The following MTMR4 variants were observed in gnomAD, a reference collection of about 807,000 sequenced individuals.
MTMR4 encodes the protein phosphatidylinositol-3,5-bisphosphate 3-phosphatase MTMR4.
Under a neutral mutation model 125.5 loss-of-function variants are expected in MTMR4, and 30 were observed. The observed-to-expected ratio is 0.24, with a 90% CI of 0.18 to 0.32. The LOEUF is 0.32. MTMR4 is among the 10% of genes least tolerant of loss of function. MTMR4 has a pLI of 1.00. For missense variants in MTMR4, 1,039 were observed against 1,511.5 expected (o/e 0.69, Z 5.18); for synonymous variants, 498 against 564.5 (o/e 0.88, Z 1.67).
chr17:58,492,271 G>T (rs1975333518), intron 17 of MTMR4, among the ~76,000 whole-genome samples: 1 of 152,078 alleles, frequency 6.6e-6, no homozygotes, highest in Non-Finnish European at 1.5e-5. Context: ...TCCCTGGTTC[G>T]AGCTATTCTC....
chr17:58,503,684 T>C (rs1975700913), intron 14 of MTMR4, 60 bp downstream of exon 14: 3 of 1,530,248 alleles, frequency 2.0e-6, no homozygotes, highest in Admixed American at 4.1e-5. Context: ...TTAGATGAGA[T>C]GGGAAACAGT....
At chr17:58,503,972 T>G (rs1975709349) in intron 13 of MTMR4, 74 bp from the exon 14 acceptor site, 2 of 1,553,424 alleles carry the variant, frequency 1.3e-6, no homozygotes, top group African/African-American at 1.4e-5. Flanking sequence ...CCCTTGACTC[T>G]ACATTTTCCC....
rs768528321 is a variant in MTMR4 at position 58,508,216 on chromosome 17, G to T, written c.652C>A (p.Leu218Met). 6.2e-7 allele frequency: 1 copy of T among 1,613,926 alleles called. No individual in the cohort carries two copies. The highest frequency in any genetic ancestry group is 1.7e-5 in the Admixed American group (1 of 60,018). The change falls in exon 7 of 18, where the codon CTG becomes ATG. Residue 218 changes from leucine to methionine, a missense_variant. Transcript: ENST00000682306. The surrounding 1 kb of genome is among the most constrained non-coding windows in gnomAD (Gnocchi z 4.8). ...LVPVWITDKE[L>M]ENVASFRSWK... is the part of the protein sequence containing the mutation. ...GAGCGGAAGGAAGCCACGTTCTCCA[G>T]CTCTTTGTCAGTGATCCACACAGGA... is the stretch of plus-strand genomic sequence containing the variant.
At chr17:58,503,932 A>G (rs1975708344) in intron 13 of MTMR4, 34 bp from the exon 14 acceptor site, 1 of 1,596,198 alleles carries the variant, frequency 6.3e-7, no homozygotes, top group Non-Finnish European at 8.5e-7. Flanking sequence ...TGCTTTGTCA[A>G]GAGTTCCTTG....
At position 58,511,358 on chromosome 17, in the gene MTMR4, G is replaced by A; in HGVS notation, c.335+71C>T. The A allele has an allele frequency of 3.0e-6, 4 of 1,323,650 alleles. No individual in the cohort carries two copies. The South Asian group carries it at 4.1e-5, about 13-fold the overall frequency. The allele number at this position is 1,323,650 out of a possible 1,614,324, so 82.0% of individuals were successfully genotyped here. A position where few individuals can be genotyped will look rare whatever the true frequency, so the allele number is the denominator to read the frequency against. ...AGGATCTTTCCTCTCTTGCACCAGA[G>A]AAACCCTGCAGCACAGAGAACTGGA... On this transcript the variant is annotated intron_variant, in intron 4 of 17. Transcript: ENST00000682306.
chr17:58,500,241 G>A (rs1433179216), intron 14 of MTMR4, among the ~76,000 whole-genome samples: 3 of 151,694 alleles, frequency 2.0e-5, no homozygotes, highest in East Asian at 2.0e-4. Context: ...ATCCTCCTAC[G>A]TCAGCCCTCC....
In MTMR4 at chr17:58,491,847, A is replaced by G. The variant is rs1324288161; in HGVS notation, c.3453-7T>C. ...AAATACATTCCCACAATTTCTGTCAAAGCAGAAAGAGGGAAGAGTTCATCA... is the reference window on the plus strand; with the variant it reads ...AAATACATTCCCACAATTTCTGTCAGAGCAGAAAGAGGGAAGAGTTCATCA... On this transcript the variant is annotated splice_region_variant and splice_polypyrimidine_tract_variant and intron_variant, in intron 17 of 17. Coordinates refer to ENST00000682306, the MANE Select transcript of MTMR4 (RefSeq NM_001378067.1). 2 of 1,609,418 alleles carry G rather than the reference A, an allele frequency of 1.2e-6. No homozygotes were observed. The highest frequency in any genetic ancestry group is 1.7e-6 in the Non-Finnish European group (2 of 1,176,174).
upstream of MTMR4, among the ~76,000 whole-genome samples, chr17:58,517,363 A>G (rs905118406): frequency 9.9e-5 from 15 of 152,236 alleles, no homozygotes; most frequent in African/African-American, 3.4e-4. Context: ...ACTTTCCTTC[A>G]TGCCTGCTTT....
At chr17:58,514,169 G>T in intron 1 of MTMR4, 194 bp downstream of exon 1, 1 of 360,554 alleles carries the variant, frequency 2.8e-6, no homozygotes, top group Non-Finnish European at 3.9e-6. Context: ...TCCATTCCTG[G>T]CCTTCGACCA....
At chr17:58,518,118 G>C (rs1347377993), upstream of MTMR4, among the ~76,000 whole-genome samples, 1 of 152,226 alleles carries the variant, frequency 6.6e-6, no homozygotes, top group Non-Finnish European at 1.5e-5. Context: ...CGGCGCCGGA[G>C]GGGAGACGCG....
At chr17:58,515,177 G>T (rs577938412), upstream of MTMR4, 2 of 439,494 alleles carry the variant, frequency 4.6e-6, no homozygotes, top group South Asian at 9.7e-5. Context: ...TGATCTCTGG[G>T]TAAGAAAGCC....
upstream of MTMR4, among the ~76,000 whole-genome samples, chr17:58,518,913 G>A (rs905306675): frequency 1.3e-5 from 2 of 152,188 alleles, no homozygotes; most frequent in African/African-American, 4.8e-5. Context: ...TTTATAGAAC[G>A]TTGAAACTCC....
intron 14 of MTMR4, among the ~76,000 whole-genome samples, chr17:58,502,664 C>G (rs2143883303): frequency 6.6e-6 from 1 of 152,052 alleles, no homozygotes; most frequent in East Asian, 1.9e-4. Context: ...GCGGGAAAAA[C>G]AATTTGCAGA....
intron 10 of MTMR4, 115 bp downstream of exon 10, chr17:58,505,357 C>A (rs184655682): frequency 1.1e-4 from 99 of 869,906 alleles, no homozygotes; most frequent in Non-Finnish European, 7.2e-6. Flanking sequence ...CAACTCCACC[C>A]AGGCCCTCAG....
intron 8 of MTMR4, 102 bp from the exon 9 acceptor site, chr17:58,506,973 C>A: frequency 1.3e-6 from 2 of 1,544,662 alleles, no homozygotes; most frequent in Non-Finnish European, 8.8e-7. Flanking sequence ...CAACTAGAGA[C>A]CCCTCATACC....
rs1388262686 is a variant in MTMR4, at chr17:58,504,252, C to T, written c.1528-32G>A. The T allele has an allele frequency of 6.2e-7, 1 of 1,603,180 alleles. No homozygotes were observed. The highest frequency in any genetic ancestry group is 8.5e-7 in the Non-Finnish European group (1 of 1,171,302). ...AGCAGAGAGAGCTTGCACCTGGGGG[C>T]CTCGGGCTGTCATTCCCCCCATCCC... On this transcript the variant is annotated intron_variant, in intron 12 of 17. Transcript: ENST00000682306. This position sits in a 1 kb window ranked among gnomAD's most constrained non-coding sequence, Gnocchi z 7.1.
rs1356748977 is a variant in MTMR4, at chr17:58,491,449, G to A, written c.*214C>T. The A allele has an allele frequency of 2.2e-6, 1 of 448,360 alleles. No individual in the cohort carries two copies. The highest frequency in any genetic ancestry group is 2.0e-5 in the African/African-American group (1 of 50,168). The allele number at this position is 448,360 out of a possible 1,614,324, so 27.8% of individuals were successfully genotyped here. On this transcript the variant is annotated 3_prime_UTR_variant, in exon 18 of 18. Transcript: ENST00000682306. Reference sequence around the variant, plus strand: ...CTTCCAGACCCTGGGTCTGGGTTAGGACCATTACCCCAAGGTGAGGGTATC... The same window carrying A: ...CTTCCAGACCCTGGGTCTGGGTTAGAACCATTACCCCAAGGTGAGGGTATC...
intron 17 of MTMR4, among the ~76,000 whole-genome samples, chr17:58,492,134 C>T (rs988915228): frequency 1.3e-5 from 2 of 152,108 alleles, no homozygotes; most frequent in Non-Finnish European, 2.9e-5. Flanking sequence ...AAACTAATTC[C>T]ACTTAGTTCT....
At position 58,512,287 on chromosome 17, in the gene MTMR4, C is replaced by T; in HGVS notation, c.252+103G>A. On this transcript the variant is annotated intron_variant, in intron 3 of 17. Coordinates refer to ENST00000682306, the MANE Select transcript of MTMR4 (RefSeq NM_001378067.1). This position sits in a 1 kb window ranked among gnomAD's most constrained non-coding sequence, Gnocchi z 4.1. ...AGGCGTGAGCCACTGCGCCCGGCCT[C>T]CAACTTTTTTAATGACATGATCAAG... The T allele has an allele frequency of 9.2e-7, 1 of 1,084,036 alleles. No homozygotes were observed. Among genetic ancestry groups the T allele is most frequent in the Non-Finnish European group, 1.4e-6 (1 of 712,354 alleles). The allele number at this position is 1,084,036 out of a possible 1,614,324, so 67.2% of individuals were successfully genotyped here.
Sources: gnomAD v4.1 joint callset for allele counts (sites outside exome capture counted in the v4.1 genomes callset) on GRCh38, gnomAD v4.1.1 for gene constraint, Gnocchi (gnomAD v3.1) non-coding constraint, MANE v1.5 for transcripts, NCBI Gene and HGNC (gene_info 2026-07-23, HGNC 2026-07-21) for gene names.